Variants in CEP135 observed in about 807,000 individuals in gnomAD.
CEP135 encodes centrosomal protein of 135 kDa.
In CEP135, 142 loss-of-function variants were observed where a neutral mutation model predicts 157.3. The ratio of observed to expected loss-of-function variants is 0.90; its 90% CI spans 0.79 to 1.04. The LOEUF (loss-of-function observed/expected upper bound fraction) is 1.04, where lower values mean the gene tolerates loss of function less well. Ranked by LOEUF, CEP135 falls within the 50% of genes least tolerant of loss-of-function variation. CEP135 has a pLI of 0.00. For missense variants in CEP135, 1,317 were observed against 1,309.2 expected, an observed-to-expected ratio of 1.01 and a Z score of -0.09; for synonymous variants, 396 against 439.8, an observed-to-expected ratio of 0.90 and a Z score of 1.25.
Position 56,020,776 on chromosome 4 carries a change from G to T in CEP135, c.3316G>T (p.Glu1106Ter). The T allele has an allele frequency of 1.2e-6, 2 of 1,610,152 alleles. No individual in the cohort carries two copies. The highest frequency in any genetic ancestry group is 1.1e-5 in the South Asian group (1 of 90,094). ...AAGGCAGATCTCAACTGAAAGATAC[G>T]AACGGTAAGACAAATTTTTTTTACA... is the stretch of plus-strand genomic sequence containing the variant. Reference protein sequence around the residue: ...LKRQISTERYERERAIQEMRR... With the variant: ...LKRQISTERY Residue 1106 changes from glutamate to a stop codon, truncating the protein, a stop_gained, in exon 24 of 26, where the codon GAA (glutamate) becomes TAA (stop). Coordinates refer to ENST00000257287, the MANE Select transcript of CEP135 (RefSeq NM_025009.5). LOFTEE classifies it high-confidence loss of function.
At chr4:55,985,416 A>T in intron 14 of CEP135, 58 bp downstream of exon 14, 1 of 767,846 alleles carries the variant, frequency 1.3e-6, no homozygotes, top group Non-Finnish European at 2.1e-6. Flanking sequence ...TATGTCAATT[A>T]CAGTTTTAAT....
intron 21 of CEP135, among the ~76,000 whole-genome samples, chr4:56,012,486 T>C (rs989867672): frequency 6.6e-6 from 1 of 152,208 alleles, no homozygotes; most frequent in African/African-American, 2.4e-5. Flanking sequence ...ATACATCAAA[T>C]TTCCCATTTT....
At chr4:56,020,992 G>A (rs1029528135) in intron 24 of CEP135, among the ~76,000 whole-genome samples, 5 of 152,094 alleles carry the variant, frequency 3.3e-5, no homozygotes, top group Admixed American at 2.0e-4. Flanking sequence ...ATTACATAGC[G>A]GATGCTATAT....
intron 17 of CEP135, among the ~76,000 whole-genome samples, chr4:56,006,899 G>A (rs889206172): frequency 6.6e-6 from 1 of 151,938 alleles, no homozygotes; most frequent in African/African-American, 2.4e-5. Flanking sequence ...TGTTGTTTTT[G>A]TTTTTGTTTT....
chr4:55,999,232 A>G (rs528120826), intron 15 of CEP135, 70 bp from the exon 16 acceptor site: 85 of 1,211,540 alleles, frequency 7.0e-5, no homozygotes, highest in Non-Finnish European at 8.8e-5. Flanking sequence ...TTTTTAAGAA[A>G]TCTCATTTTT....
chr4:55,981,994 A>C (rs576495838), intron 13 of CEP135, among the ~76,000 whole-genome samples: 67 of 152,292 alleles, frequency 4.4e-4, no homozygotes, highest in Admixed American at 4.3e-3. Context: ...AACAAAGTCA[A>C]AAATGTAAAC....
At chr4:55,953,413 C>G in intron 3 of CEP135, 138 bp downstream of exon 3, 1 of 576,736 alleles carries the variant, frequency 1.7e-6, no homozygotes. Flanking sequence ...TGCCTATAGT[C>G]CCAGCTACTC....
At chr4:55,959,523 A>C (rs774663937) in intron 5 of CEP135, among the ~76,000 whole-genome samples, 159 bp from the exon 6 acceptor site, 1 of 152,202 alleles carries the variant, frequency 6.6e-6, no homozygotes, top group Non-Finnish European at 1.5e-5. Flanking sequence ...ATGATGTTGT[A>C]CTATATTTTA....
Position 55,957,326 on chromosome 4 carries a change from C to T in CEP135, c.576C>T (p.Asp192=). ...VSSYPVPQPD[D]PYIADLLQVA... ...CATATCCAGTTCCTCAACCAGATGACCCTTACATTGCAGACCTCCTTCAAG... is the reference window on the plus strand; with the variant it reads ...CATATCCAGTTCCTCAACCAGATGATCCTTACATTGCAGACCTCCTTCAAG... Residue 192 remains aspartate (D), a synonymous_variant, in exon 5 of 26, where the codon GAC becomes GAT. Transcript: ENST00000257287. The T allele has an allele frequency of 6.2e-7, 1 of 1,614,050 alleles. No homozygotes were observed. Among genetic ancestry groups the T allele is most frequent in the African/African-American group, 1.3e-5 (1 of 75,042 alleles).
chr4:55,955,822 C>T (rs567905474), intron 4 of CEP135, among the ~76,000 whole-genome samples: 8 of 152,288 alleles, frequency 5.3e-5, no homozygotes, highest in African/African-American at 1.9e-4. Context: ...GCTATACCCA[C>T]AAGACATTCA....
intron 24 of CEP135, among the ~76,000 whole-genome samples, chr4:56,022,877 C>T (rs1731014966): frequency 6.6e-6 from 1 of 152,106 alleles, no homozygotes; most frequent in Non-Finnish European, 1.5e-5. Flanking sequence ...AGGAGGATCA[C>T]TTGAGGCCAG....
chr4:55,988,765 G>T (rs1434838136), intron 14 of CEP135, among the ~76,000 whole-genome samples: 1 of 150,392 alleles, frequency 6.6e-6, no homozygotes, highest in Non-Finnish European at 1.5e-5. Flanking sequence ...AGACCATCCT[G>T]GCTAACACGG....
At chr4:56,026,636 A>G (rs1353541989) in intron 25 of CEP135, among the ~76,000 whole-genome samples, 2 of 152,192 alleles carry the variant, frequency 1.3e-5, no homozygotes, top group Non-Finnish European at 2.9e-5. Flanking sequence ...AAATAGTGCT[A>G]TGGTTATACT....
At chr4:55,959,583 C>G (rs758416884) in intron 5 of CEP135, 99 bp from the exon 6 acceptor site, 1 of 1,011,616 alleles carries the variant, frequency 9.9e-7, no homozygotes, top group Non-Finnish European at 1.5e-6. Flanking sequence ...GTTTGAGAAG[C>G]TGAAAGTATA....
intron 15 of CEP135, among the ~76,000 whole-genome samples, chr4:55,996,264 G>A (rs1475974066): frequency 6.6e-6 from 1 of 152,068 alleles, no homozygotes; most frequent in Non-Finnish European, 1.5e-5. Flanking sequence ...GGGACTATAG[G>A]CATGCACCAC....
At position 55,999,315 on chromosome 4, in the gene CEP135, C is replaced by T. The variant is rs1275392981; in HGVS notation, c.2023C>T (p.Gln675Ter). ...EVNSLRIVNEQLQRSVDDYQH... is the reference protein window; with the variant it reads ...EVNSLRIVNE Reference sequence around the variant, plus strand: ...TTGATTCTTTAGGATAGTGAATGAGCAGCTACAGCGGTCAGTTGATGACTA... The same window carrying T: ...TTGATTCTTTAGGATAGTGAATGAGTAGCTACAGCGGTCAGTTGATGACTA... Residue 675 changes from glutamine (Q) to a stop codon, truncating the protein, a stop_gained, in exon 16 of 26, where the codon CAG (glutamine) becomes TAG (stop). Transcript: ENST00000257287. LOFTEE classifies it high-confidence loss of function. 2.5e-6 allele frequency: 4 copies of T among 1,613,536 alleles called. No individual in the cohort carries two copies. The highest frequency in any genetic ancestry group is 3.4e-6 in the Non-Finnish European group (4 of 1,179,564).
intron 25 of CEP135, among the ~76,000 whole-genome samples, chr4:56,028,172 C>G (rs1560429155): frequency 6.6e-6 from 1 of 152,134 alleles, no homozygotes; most frequent in Non-Finnish European, 1.5e-5. Flanking sequence ...GTGAGTAATG[C>G]TGCTCTGAGC....
intron 21 of CEP135, among the ~76,000 whole-genome samples, chr4:56,014,665 C>T (rs1437808311): frequency 6.6e-6 from 1 of 152,074 alleles, no homozygotes; most frequent in Non-Finnish European, 1.5e-5. Context: ...CCTGGTTTCT[C>T]CTTGTTACTT....
intron 13 of CEP135, among the ~76,000 whole-genome samples, chr4:55,984,313 G>C (rs1158954348): frequency 1.3e-5 from 2 of 152,082 alleles, no homozygotes; most frequent in African/African-American, 4.8e-5. Context: ...CACTCTTCTT[G>C]TCTAGCTGAT....
Sources: gnomAD v4.1 joint callset for allele counts (sites outside exome capture counted in the v4.1 genomes callset) on GRCh38, gnomAD v4.1.1 for gene constraint, MANE v1.5 for transcripts, NCBI Gene and HGNC (gene_info 2026-07-23, HGNC 2026-07-21) for gene names.